Variants in KCNK2 observed in about 807,000 individuals in gnomAD.
The protein encoded by KCNK2 is potassium channel subfamily K member 2.
Under a neutral mutation model 40.5 loss-of-function variants are expected in KCNK2, and 21 were observed. The observed-to-expected ratio is 0.52, with a 90% CI of 0.37 to 0.75. The LOEUF (loss-of-function observed/expected upper bound fraction) is 0.75, where lower values mean the gene tolerates loss of function less well. KCNK2 is among the 30% of genes least tolerant of loss of function. KCNK2 has a pLI of 0.00. For synonymous variants in KCNK2, 191 were observed against 202.2 expected (o/e 0.94, Z 0.47); for missense variants, 399 against 531.6 (o/e 0.75, Z 2.45).
intron 1 of KCNK2, among the ~76,000 whole-genome samples, chr1:215,068,076 A>C (rs546053255): frequency 6.7e-6 from 1 of 150,058 alleles, no homozygotes; most frequent in South Asian, 2.1e-4. Context: ...TTTCTTGGAA[A>C]TGTATCTCCC....
intron 2 of KCNK2, among the ~76,000 whole-genome samples, chr1:215,111,779 T>C (rs938020402): frequency 6.6e-6 from 1 of 151,760 alleles, no homozygotes; most frequent in African/African-American, 2.4e-5. Context: ...TTGGGCCATG[T>C]TTCCCTGTTT....
At chr1:215,078,285 C>T (rs906366665), upstream of KCNK2, among the ~76,000 whole-genome samples, 2 of 152,234 alleles carry the variant, frequency 1.3e-5, no homozygotes, top group African/African-American at 4.8e-5. Flanking sequence ...TCAGGAGCTC[C>T]CCTGGTTCAT....
chr1:215,025,121 G>A (rs1037751641), intron 1 of KCNK2, among the ~76,000 whole-genome samples: 5 of 151,988 alleles, frequency 3.3e-5, no homozygotes, highest in African/African-American at 1.2e-4. Flanking sequence ...CCAAACCCTG[G>A]AGCTAAATAA....
rs185326198 is a variant in KCNK2, at chr1:215,099,185, G to A, written c.357+12507G>A. ...TCAGCCCATCTTCCATCCTCTGATC[G>A]GCCCTAGTGTGTGTTATTCCTTTCC... is the stretch of plus-strand genomic sequence containing the variant. On this transcript the variant is annotated intron_variant, in intron 2 of 6. Coordinates refer to ENST00000444842, the MANE Select transcript of KCNK2 (RefSeq NM_001017425.3). Among the ~76,000 whole-genome samples the A allele has an allele frequency of 6.4e-4, 97 of 151,734 alleles. 1 individual carries two copies. The highest frequency in any genetic ancestry group is 2.1e-3 in the African/African-American group (85 of 41,388).
intron 1 of KCNK2, among the ~76,000 whole-genome samples, chr1:215,031,729 A>T (rs1328617663): frequency 6.6e-6 from 1 of 152,220 alleles, no homozygotes; most frequent in Non-Finnish European, 1.5e-5. Flanking sequence ...ACTGGTATAG[A>T]GGATACCAAT....
chr1:215,209,313 G>A (rs58344166), intron 6 of KCNK2, among the ~76,000 whole-genome samples: 975 of 56,082 alleles, frequency 0.017, 46 homozygotes, highest in African/African-American at 0.058. Flanking sequence ...TTATATATAT[G>A]AAATATACAC....
chr1:215,156,533 A>C (rs116538731), intron 3 of KCNK2, among the ~76,000 whole-genome samples: 1 of 152,172 alleles, frequency 6.6e-6, no homozygotes, highest in Non-Finnish European at 1.5e-5. Context: ...ATGGGGAAAA[A>C]GATCTAAATT....
intron 6 of KCNK2, among the ~76,000 whole-genome samples, chr1:215,204,553 G>T (rs558068408): frequency 6.6e-6 from 1 of 151,992 alleles, no homozygotes; most frequent in Non-Finnish European, 1.5e-5. Context: ...CCTGTTTTGA[G>T]AATTTGTGTT....
At chr1:215,007,031 A>ATGTGTGTG (rs1346524192) in intron 1 of KCNK2, among the ~76,000 whole-genome samples, 8 of 79,306 alleles carry the variant, frequency 1.0e-4, no homozygotes, top group African/African-American at 2.8e-4. Flanking sequence ...ATATATATAT[A>ATGTGTGTG]TATATATGTG....
intron 6 of KCNK2, among the ~76,000 whole-genome samples, chr1:215,227,854 T>C (rs145205191): frequency 0.012 from 1,875 of 151,966 alleles, 25 homozygotes; most frequent in Non-Finnish European, 0.015. Context: ...AATGAACAAA[T>C]CTGAGTAAGA....
intron 1 of KCNK2, among the ~76,000 whole-genome samples, chr1:215,030,431 C>G (rs1281062522): frequency 1.3e-5 from 2 of 152,034 alleles, no homozygotes; most frequent in African/African-American, 4.8e-5. Context: ...TACATACTTT[C>G]TATTATGGAT....
intron 2 of KCNK2, among the ~76,000 whole-genome samples, chr1:215,089,137 T>C (rs984491241): frequency 3.3e-5 from 5 of 152,032 alleles, no homozygotes; most frequent in African/African-American, 1.2e-4. Flanking sequence ...TTTCCCAATC[T>C]TTTTTTTCAC....
intron 5 of KCNK2, among the ~76,000 whole-genome samples, chr1:215,185,189 A>T (rs1386394304): frequency 6.6e-6 from 1 of 152,156 alleles, no homozygotes; most frequent in Non-Finnish European, 1.5e-5. Flanking sequence ...TACGTTAATT[A>T]TAATTAGCAT....
chr1:215,093,505 TATAA>T (rs1659791575), intron 2 of KCNK2, among the ~76,000 whole-genome samples: 1 of 41,476 alleles, frequency 2.4e-5, no homozygotes, highest in Admixed American at 3.3e-4. Context: ...ATATATTATA[TATAA>T]AATATAGGAT....
intron 1 of KCNK2, among the ~76,000 whole-genome samples, chr1:215,020,574 C>T (rs539092805): frequency 3.4e-4 from 51 of 152,218 alleles, no homozygotes; most frequent in African/African-American, 1.1e-3. Context: ...TACTGATATG[C>T]GCCACCATGC....
At chr1:215,010,716 C>T (rs1008974369) in intron 1 of KCNK2, among the ~76,000 whole-genome samples, 1 of 152,136 alleles carries the variant, frequency 6.6e-6, no homozygotes, top group African/African-American at 2.4e-5. Context: ...CATACCTTGG[C>T]TTTCAAGAGT....
chr1:215,080,875 T>C (rs544175379), upstream of KCNK2, among the ~76,000 whole-genome samples: 5 of 152,310 alleles, frequency 3.3e-5, no homozygotes, highest in African/African-American at 1.2e-4. Context: ...GAATCTAAAA[T>C]CTAAGTGTTG....
intron 6 of KCNK2, among the ~76,000 whole-genome samples, chr1:215,215,438 A>T (rs1043248902): frequency 5.9e-5 from 9 of 152,194 alleles, no homozygotes; most frequent in African/African-American, 2.2e-4. Context: ...AGGTCAAATC[A>T]TGTTCTCTAA....
chr1:215,174,446 C>A (rs1390010493), intron 5 of KCNK2, among the ~76,000 whole-genome samples: 1 of 152,096 alleles, frequency 6.6e-6, no homozygotes. Context: ...ATTGACTTGG[C>A]AATGCGGGCT....
Sources: gnomAD v4.1 joint callset for allele counts (sites outside exome capture counted in the v4.1 genomes callset) on GRCh38, gnomAD v4.1.1 for gene constraint, MANE v1.5 for transcripts, NCBI Gene and HGNC (gene_info 2026-07-23, HGNC 2026-07-21) for gene names.